The following PAK4 variants were observed in gnomAD, a reference collection of about 807,000 sequenced individuals.
PAK4 encodes p21 (RAC1) activated kinase 4.
In PAK4, 49 loss-of-function variants were observed where a neutral mutation model predicts 53.5. The observed-to-expected ratio is 0.92, with a 90% CI of 0.73 to 1.16. PAK4 has a LOEUF of 1.16. PAK4 is among the 50% of genes most tolerant of loss of function. PAK4 has a pLI of 0.00. For missense variants in PAK4, 824 were observed against 850.7 expected, an observed-to-expected ratio of 0.97 and a Z score of 0.39; for synonymous variants, 376 against 375.6, an observed-to-expected ratio of 1.00 and a Z score of -0.01.
At chr19:39,129,855 G>A (rs1077457) in intron 1 of PAK4, among the ~76,000 whole-genome samples, 29,966 of 152,082 alleles carry the variant, frequency 0.2, 3,543 homozygotes, top group East Asian at 0.39. Context: ...ATACTGATTC[G>A]AACCTCTCAG....
intron 1 of PAK4, among the ~76,000 whole-genome samples, chr19:39,162,445 T>G (rs185565850): frequency 0.013 from 2,019 of 152,216 alleles, 26 homozygotes; most frequent in Non-Finnish European, 0.017. Context: ...TTTTTATTTT[T>G]GGGGTAGAGA....
chr19:39,140,793 G>A (rs565818173), intron 1 of PAK4, among the ~76,000 whole-genome samples: 7 of 152,256 alleles, frequency 4.6e-5, no homozygotes, highest in African/African-American at 1.4e-4. Context: ...GACCTTGGGC[G>A]AGGCCCTGAG....
intron 1 of PAK4, among the ~76,000 whole-genome samples, chr19:39,150,962 C>G (rs963361559): frequency 6.6e-6 from 1 of 152,116 alleles, no homozygotes; most frequent in Non-Finnish European, 1.5e-5. Context: ...TGCCCCCGCA[C>G]AGGCGGCACG....
Position 39,175,283 on chromosome 19 carries a change from G to A in PAK4, c.1233-29G>A, listed in dbSNP as rs1883021078. ...CGGCACCCCGGGGTGCTGTCCAGCT[G>A]GCTGCTCACCCCCCACCCCACCCCG... On this transcript the variant is annotated intron_variant, in intron 5 of 8. Transcript: ENST00000358301. The surrounding 1 kb of genome is among the most constrained non-coding windows in gnomAD (Gnocchi z 4.7). 1 of 1,556,366 alleles carries A rather than the reference G, an allele frequency of 6.4e-7. No individual in the cohort carries two copies. The highest frequency in any genetic ancestry group is 1.9e-5 in the Admixed American group (1 of 51,958).
At chr19:39,138,482 C>G (rs2073857554) in intron 1 of PAK4, among the ~76,000 whole-genome samples, 1 of 152,236 alleles carries the variant, frequency 6.6e-6, no homozygotes, top group Non-Finnish European at 1.5e-5. Context: ...GTATGTCTCT[C>G]CATTTGTTTA....
chr19:39,182,090 C>T (rs1287089798), downstream of PAK4: 1 of 152,272 alleles, frequency 6.6e-6, no homozygotes, highest in Non-Finnish European at 1.5e-5. Context: ...CGATCCACGA[C>T]TGCCCTCCCG....
chr19:39,134,549 C>G (rs941737231), intron 1 of PAK4, among the ~76,000 whole-genome samples: 22 of 150,346 alleles, frequency 1.5e-4, no homozygotes, highest in African/African-American at 5.3e-4. Flanking sequence ...CCTGTGAGAT[C>G]CATCTGTGTG....
chr19:39,156,374 G>T (rs371832656), intron 1 of PAK4, among the ~76,000 whole-genome samples: 64 of 152,126 alleles, frequency 4.2e-4, no homozygotes, highest in African/African-American at 1.4e-3. Context: ...TTCAAACCTG[G>T]CTGCCCCTTA....
chr19:39,167,024 C>G (rs2074387182), intron 1 of PAK4, among the ~76,000 whole-genome samples: 1 of 152,218 alleles, frequency 6.6e-6, no homozygotes, highest in African/African-American at 2.4e-5. Flanking sequence ...GGGCAGGAGG[C>G]CAGGCGTCGG....
rs1291760908 is a variant in PAK4, at chr19:39,178,831, C to G, written c.*252C>G. 1.1e-5 allele frequency: 5 copies of G among 458,704 alleles called. No individual in the cohort carries two copies. Among genetic ancestry groups the G allele is most frequent in the Non-Finnish European group, 1.9e-5 (5 of 258,678 alleles). The allele number at this position is 458,704 out of a possible 1,614,324, so 28.4% of individuals were successfully genotyped here. A position where few individuals can be genotyped will look rare whatever the true frequency, so the allele number is the denominator to read the frequency against. Reference sequence around the variant, plus strand: ...CCCACCCTCTGGGACAGGCCCTCCCCCATGTTCTTCTGTCTCCAGGAAGGG... The same window carrying G: ...CCCACCCTCTGGGACAGGCCCTCCCGCATGTTCTTCTGTCTCCAGGAAGGG... On this transcript the variant is annotated 3_prime_UTR_variant, in exon 9 of 9. Transcript: ENST00000358301. This position sits in a 1 kb window ranked among gnomAD's most constrained non-coding sequence, Gnocchi z 4.4.
chr19:39,166,239 G>A (rs2074373629), intron 1 of PAK4, among the ~76,000 whole-genome samples: 1 of 152,148 alleles, frequency 6.6e-6, no homozygotes, highest in Non-Finnish European at 1.5e-5. Context: ...GATCACTAGA[G>A]GTCAGACCAG....
chr19:39,153,209 A>C (rs984332881), intron 1 of PAK4, among the ~76,000 whole-genome samples: 1 of 151,688 alleles, frequency 6.6e-6, no homozygotes, highest in Non-Finnish European at 1.5e-5. Context: ...GCCTCCCCCA[A>C]CCCCCAAAAG....
rs977410663 is a variant in PAK4, at chr19:39,175,205, G to A, written c.1233-107G>A. On this transcript the variant is annotated intron_variant, in intron 5 of 8. Coordinates refer to ENST00000358301, the Ensembl canonical transcript of PAK4. The surrounding 1 kb of genome is among the most constrained non-coding windows in gnomAD (Gnocchi z 4.7). The stretch of plus-strand genomic sequence containing the variant: ...TCTTCCATTCCTCCCACTCCAGAGT[G>A]GGGTCGAGTGGTCTCAGATTCCTCC... The A allele has an allele frequency of 6.8e-7, 1 of 1,469,108 alleles. No homozygotes were observed. The highest frequency in any genetic ancestry group is 9.2e-7 in the Non-Finnish European group (1 of 1,081,750). The allele number at this position is 1,469,108 out of a possible 1,614,324, so 91.0% of individuals were successfully genotyped here. A position where few individuals can be genotyped will look rare whatever the true frequency, so the allele number is the denominator to read the frequency against.
chr19:39,166,201 A>G (rs560126810), intron 1 of PAK4, among the ~76,000 whole-genome samples: 6 of 152,364 alleles, frequency 3.9e-5, no homozygotes, highest in African/African-American at 1.4e-4. Flanking sequence ...TCACGCCTGT[A>G]ATCCTAACAC....
intron 1 of PAK4, among the ~76,000 whole-genome samples, chr19:39,157,759 G>C (rs1330317983): frequency 6.6e-6 from 1 of 152,274 alleles, no homozygotes; most frequent in African/African-American, 2.4e-5. Flanking sequence ...GTTGAGGGTG[G>C]ATTGCTGCTG....
At position 39,175,760 on chromosome 19, in the gene PAK4, A is replaced by C. The variant is rs984811020; in HGVS notation, c.1359+322A>C. On this transcript the variant is annotated intron_variant, in intron 6 of 8. Coordinates refer to ENST00000358301, the Ensembl canonical transcript of PAK4. This position sits in a 1 kb window ranked among gnomAD's most constrained non-coding sequence, Gnocchi z 4.7. The stretch of plus-strand genomic sequence containing the variant: ...ACTGAAAAGCTGCTCCCTGCCCAGC[A>C]CCCAGGGCGGTCCATGGACCCCAGT... Among the ~76,000 whole-genome samples the C allele has an allele frequency of 6.6e-6, 1 of 152,112 alleles. No individual in the cohort carries two copies. The highest frequency in any genetic ancestry group is 1.5e-5 in the Non-Finnish European group (1 of 68,010).
chr19:39,148,690 C>T (rs1459954478), intron 1 of PAK4, among the ~76,000 whole-genome samples: 1 of 148,724 alleles, frequency 6.7e-6, no homozygotes, highest in African/African-American at 2.5e-5. Context: ...CTCCTGACCT[C>T]GTGATCCGCC....
In PAK4 at chr19:39,173,070, G is replaced by A. The variant is rs1306917260; in HGVS notation, c.357G>A (p.Glu119=). Reference sequence around the variant, plus strand: ...CCCGCCAGGAAAATGGGATGCCAGAGGAGCCGGCCACCACGGCCAGAGGGG... The same window carrying A: ...CCCGCCAGGAAAATGGGATGCCAGAAGAGCCGGCCACCACGGCCAGAGGGG... The change falls in exon 3 of 9, where the codon GAG becomes GAA. Residue 119 remains glutamate, a synonymous_variant. Coordinates refer to ENST00000358301, the Ensembl canonical transcript of PAK4. This position sits in a 1 kb window ranked among gnomAD's most constrained non-coding sequence, Gnocchi z 6.9. 8 of 1,548,946 alleles carry A rather than the reference G, an allele frequency of 5.2e-6. No individual in the cohort carries two copies. The highest frequency in any genetic ancestry group is 7.0e-6 in the Non-Finnish European group (8 of 1,146,762).
chr19:39,130,743 G>T (rs2073694205), intron 1 of PAK4, among the ~76,000 whole-genome samples: 1 of 152,048 alleles, frequency 6.6e-6, no homozygotes, highest in South Asian at 2.1e-4. Context: ...TGGAGGCGGT[G>T]TTGGATACAG....
Sources: gnomAD v4.1 joint callset for allele counts (sites outside exome capture counted in the v4.1 genomes callset) on GRCh38, gnomAD v4.1.1 for gene constraint, Gnocchi (gnomAD v3.1) non-coding constraint, MANE v1.5 for transcripts, NCBI Gene and HGNC (gene_info 2026-07-23, HGNC 2026-07-21) for gene names.